MAPK8IP1: variants seen among roughly 807,000 people sequenced by gnomAD.
MAPK8IP1 encodes the protein mitogen-activated protein kinase 8 interacting protein 1, also known as C-Jun-amino-terminal kinase-interacting protein 1.
A neutral mutation model predicts 72.6 loss-of-function variants in MAPK8IP1; 17 were observed. The observed-to-expected ratio is 0.23, with a 90% CI of 0.16 to 0.35. The LOEUF (loss-of-function observed/expected upper bound fraction) is 0.35. MAPK8IP1 is among the 10% of genes least tolerant of loss of function. The pLI, the probability that MAPK8IP1 is intolerant of heterozygous loss-of-function variation, is 1.00. For synonymous variants in MAPK8IP1, 401 were observed against 443.4 expected (o/e 0.90, Z 1.20); for missense variants, 789 against 1,009.7 (o/e 0.78, Z 2.96).
chr11:45,904,746 A>G lies in MAPK8IP1; in HGVS notation c.1805A>G (p.His602Arg), dbSNP rs1038603426. ...KIATTRRLTV[H>R]FNPPSSCVLE... ...GCCACCACCCGCCGGCTCACCGTGC[A>G]CTTTAACCCGCCCTCCAGCTGTGTC... Residue 602 changes from histidine (H) to arginine (R), a missense_variant, in exon 9 of 12, where the codon CAC becomes CGC. Physicochemically the swap from His to Arg is conservative, Grantham distance 29 (BLOSUM62 0). Transcript: ENST00000241014. This position sits in a 1 kb window ranked among gnomAD's most constrained non-coding sequence, Gnocchi z 6.4. The G allele has an allele frequency of 6.2e-7, 1 of 1,613,870 alleles. No homozygotes were observed. Among genetic ancestry groups the G allele is most frequent in the African/African-American group, 1.3e-5 (1 of 74,922 alleles).
Position 45,904,843 on chromosome 11 carries a change from T to C in MAPK8IP1, c.1893+9T>C, listed in dbSNP as rs2086691162. 1.2e-6 allele frequency: 2 copies of C among 1,613,634 alleles called. No homozygotes were observed. The highest frequency in any genetic ancestry group is 3.3e-5 in the Admixed American group (2 of 60,004). On this transcript the variant is annotated intron_variant, in intron 9 of 11. Coordinates refer to ENST00000241014, the MANE Select transcript of MAPK8IP1 (RefSeq NM_005456.4). This position sits in a 1 kb window ranked among gnomAD's most constrained non-coding sequence, Gnocchi z 6.4. ...ACTCCCAGGAGGCCAAGGTGACTTC[T>C]TCCAACCCAGCCCCTTCCTTCCATG...
At chr11:45,887,199 G>A (rs546579804) in intron 1 of MAPK8IP1, among the ~76,000 whole-genome samples, 1 of 152,294 alleles carries the variant, frequency 6.6e-6, no homozygotes, top group Non-Finnish European at 1.5e-5. Flanking sequence ...GAGGGACCTG[G>A]GTTCAAATCC....
chr11:45,895,441 G>A (rs1381680710), intron 1 of MAPK8IP1, among the ~76,000 whole-genome samples: 1 of 152,016 alleles, frequency 6.6e-6, no homozygotes, highest in Non-Finnish European at 1.5e-5. Flanking sequence ...CCAACATGGT[G>A]AAACCCTGTC....
In MAPK8IP1 at chr11:45,903,555, T is replaced by C; in HGVS notation, c.1493+115T>C. 7.9e-6 allele frequency: 7 copies of C among 885,476 alleles called. No individual in the cohort carries two copies. Among genetic ancestry groups the C allele is most frequent in the Non-Finnish European group, 1.3e-5 (7 of 553,206 alleles). 54.9% of individuals were successfully genotyped at this position (885,476 alleles called of 1,614,324 possible). On this transcript the variant is annotated intron_variant, in intron 6 of 11. Transcript: ENST00000241014. The surrounding 1 kb of genome is among the most constrained non-coding windows in gnomAD (Gnocchi z 6.4). Reference sequence around the variant, plus strand: ...AACCCCTGCCATCAGCCTTCATTTATCCACTCAGCCCTGGGAGGACAGTGT... The same window carrying C: ...AACCCCTGCCATCAGCCTTCATTTACCCACTCAGCCCTGGGAGGACAGTGT...
In MAPK8IP1 at chr11:45,900,444, C is replaced by T. The variant is rs2863713; in HGVS notation, c.514C>T (p.Arg172Trp). ...TTLNLFPQVP[R>W]SQDTLNNNSL... ...GCTCAACCTCTTTCCGCAGGTGCCGCGGTCTCAGGTGAGGCGCCAACGTGG... is the reference window on the plus strand; with the variant it reads ...GCTCAACCTCTTTCCGCAGGTGCCGTGGTCTCAGGTGAGGCGCCAACGTGG... The change falls in exon 3 of 12, where the codon CGG (arginine) becomes TGG (tryptophan). Residue 172 changes from arginine to tryptophan, a missense_variant. Transcript: ENST00000241014. The surrounding 1 kb of genome is among the most constrained non-coding windows in gnomAD (Gnocchi z 6.5). 1.3e-6 allele frequency: 2 copies of T among 1,532,096 alleles called. No homozygotes were observed. Among genetic ancestry groups the T allele is most frequent in the African/African-American group, 1.4e-5 (1 of 72,664 alleles). The allele number at this position is 1,532,096 out of a possible 1,614,324, so 94.9% of individuals were successfully genotyped here.
intron 1 of MAPK8IP1, among the ~76,000 whole-genome samples, chr11:45,894,999 G>A (rs752757629): frequency 1.1e-4 from 17 of 152,226 alleles, no homozygotes; most frequent in Non-Finnish European, 2.1e-4. Context: ...AGCAAGCATG[G>A]TTTGAGAGTC....
chr11:45,889,237 G>T (rs2086548938), intron 1 of MAPK8IP1, among the ~76,000 whole-genome samples: 1 of 152,094 alleles, frequency 6.6e-6, no homozygotes, highest in Admixed American at 6.5e-5. Flanking sequence ...ACAAAGTTTT[G>T]ATTACAACCT....
chr11:45,897,823 A>G (rs2086620038), intron 1 of MAPK8IP1, among the ~76,000 whole-genome samples: 1 of 152,162 alleles, frequency 6.6e-6, no homozygotes, highest in African/African-American at 2.4e-5. Context: ...TTGGCAACAG[A>G]ATGACAGCTT....
At position 45,902,180 on chromosome 11, in the gene MAPK8IP1, C is replaced by G; in HGVS notation, c.604+119C>G. ...GTAGAGGTGAACTGCCCACCCACAT[C>G]CCTGCACGAGCCCATCCAGGGGCTG... On this transcript the variant is annotated intron_variant, in intron 4 of 11. Transcript: ENST00000241014. This position sits in a 1 kb window ranked among gnomAD's most constrained non-coding sequence, Gnocchi z 9.3. 9.5e-7 allele frequency: 1 copy of G among 1,056,406 alleles called. No individual in the cohort carries two copies. The highest frequency in any genetic ancestry group is 1.5e-6 in the Non-Finnish European group (1 of 673,464). 65.4% of individuals were successfully genotyped at this position (1,056,406 alleles called of 1,614,324 possible).
chr11:45,888,180 G>A (rs938081666), intron 1 of MAPK8IP1, among the ~76,000 whole-genome samples: 30 of 152,318 alleles, frequency 2.0e-4, no homozygotes, highest in African/African-American at 6.0e-4. Flanking sequence ...ACACACAGGC[G>A]CCTTGACCCC....
intron 1 of MAPK8IP1, among the ~76,000 whole-genome samples, chr11:45,897,476 G>A (rs1321165278): frequency 6.6e-6 from 1 of 152,350 alleles, no homozygotes; most frequent in East Asian, 1.9e-4. Flanking sequence ...ATAAGGAGAA[G>A]ATGTTGTGGT....
chr11:45,900,389 G>A lies in MAPK8IP1; in HGVS notation c.459G>A (p.Gly153=), dbSNP rs1221085542. 3.3e-6 allele frequency: 5 copies of A among 1,527,540 alleles called. 1 individual carries two copies. In the South Asian group the frequency reaches 4.8e-5, roughly 15 times the overall value. 94.6% of individuals were successfully genotyped at this position (1,527,540 alleles called of 1,614,324 possible). The change falls in exon 3 of 12, where the codon GGG becomes GGA. Residue 153 remains glycine (G), a synonymous_variant. Coordinates refer to ENST00000241014, the MANE Select transcript of MAPK8IP1 (RefSeq NM_005456.4). The surrounding 1 kb of genome is among the most constrained non-coding windows in gnomAD (Gnocchi z 6.5). ...GCCAGAGCCAGGGCCCGGGCAGCGG[G>A]GACACGTACCGGCCCAAGCGGCCCA... ...SQGQSQGPGS[G]DTYRPKRPTT...
At chr11:45,895,830 C>T (rs1040319016) in intron 1 of MAPK8IP1, among the ~76,000 whole-genome samples, 15 of 152,082 alleles carry the variant, frequency 9.9e-5, no homozygotes, top group Admixed American at 3.3e-4. Flanking sequence ...GTGCTGGCCA[C>T]TGGGTTTTTG....
At chr11:45,905,547 G>A in intron 11 of MAPK8IP1, 102 bp from the exon 12 acceptor site, 1 of 1,040,022 alleles carries the variant, frequency 9.6e-7, no homozygotes, top group East Asian at 2.4e-5. Flanking sequence ...AACCAGAGCT[G>A]CACTTGGGCC....
chr11:45,885,941 G>A lies in MAPK8IP1; in HGVS notation c.101+20G>A. On this transcript the variant is annotated intron_variant, in intron 1 of 11. Transcript: ENST00000241014. ...TTTCAGGTGAGAGTCCCCGGCCGCC[G>A]CGCGCCTCGCCCTTCAGCGGGGACT... 5 of 1,444,670 alleles carry A rather than the reference G, an allele frequency of 3.5e-6. No homozygotes were observed. Among genetic ancestry groups the A allele is most frequent in the Non-Finnish European group, 2.8e-6 (3 of 1,087,960 alleles). The allele number at this position is 1,444,670 out of a possible 1,614,324, so 89.5% of individuals were successfully genotyped here. A position where few individuals can be genotyped will look rare whatever the true frequency, so the allele number is the denominator to read the frequency against.
Position 45,902,467 on chromosome 11 carries a change from G to T in MAPK8IP1, c.700G>T (p.Asp234Tyr). 1 of 1,601,754 alleles carries T rather than the reference G, an allele frequency of 6.2e-7. No homozygotes were observed. Among genetic ancestry groups the T allele is most frequent in the South Asian group, 1.1e-5 (1 of 89,598 alleles). The change falls in exon 5 of 12, where the codon GAC (aspartate) becomes TAC (tyrosine). Residue 234 changes from aspartate (D) to tyrosine (Y), a missense_variant. Transcript: ENST00000241014. This position sits in a 1 kb window ranked among gnomAD's most constrained non-coding sequence, Gnocchi z 9.3. ...CACCACAGATCGAGGCACCTCCACC[G>T]ACAGCCCTTGCCGCCGCAGCACAGC... Reference protein sequence around the residue: ...APTTDRGTSTDSPCRRSTATQ... With the variant: ...APTTDRGTSTYSPCRRSTATQ...
At position 45,904,768 on chromosome 11, in the gene MAPK8IP1, T is replaced by C. The variant is rs767625411; in HGVS notation, c.1827T>C (p.Cys609=). The change falls in exon 9 of 12, where the codon TGT becomes TGC. Residue 609 remains cysteine (C), a synonymous_variant. Transcript: ENST00000241014. The surrounding 1 kb of genome is among the most constrained non-coding windows in gnomAD (Gnocchi z 6.4). ...TGCACTTTAACCCGCCCTCCAGCTG[T>C]GTCCTGGAGATCAGCGTGCGGGGTG... The part of the protein sequence containing the change: ...LTVHFNPPSS[C]VLEISVRGVK... The C allele has an allele frequency of 1.2e-6, 2 of 1,613,994 alleles. No individual in the cohort carries two copies. Among genetic ancestry groups the C allele is most frequent in the East Asian group, 2.2e-5 (1 of 44,866 alleles).
chr11:45,889,620 G>C (rs535505951), intron 1 of MAPK8IP1, among the ~76,000 whole-genome samples: 1 of 152,248 alleles, frequency 6.6e-6, no homozygotes, highest in African/African-American at 2.4e-5. Context: ...CCTGTCTGGG[G>C]TGTGTAGAAG....
At position 45,900,584 on chromosome 11, in the gene MAPK8IP1, T is replaced by G; in HGVS notation, c.522+132T>G. The G allele has an allele frequency of 9.7e-7, 1 of 1,033,156 alleles. No individual in the cohort carries two copies. The highest frequency in any genetic ancestry group is 1.4e-6 in the Non-Finnish European group (1 of 731,670). The allele number at this position is 1,033,156 out of a possible 1,614,324, so 64.0% of individuals were successfully genotyped here. A position where few individuals can be genotyped will look rare whatever the true frequency, so the allele number is the denominator to read the frequency against. ...GACAGCGCCTGCATAGGGGCCGCGGTGGCTCGCTCCCGGTGTTGGGATCCG... is the reference window on the plus strand; with the variant it reads ...GACAGCGCCTGCATAGGGGCCGCGGGGGCTCGCTCCCGGTGTTGGGATCCG... On this transcript the variant is annotated intron_variant, in intron 3 of 11. Transcript: ENST00000241014. The surrounding 1 kb of genome is among the most constrained non-coding windows in gnomAD (Gnocchi z 6.5).
Sources: allele counts gnomAD v4.1 joint callset (sites outside exome capture counted in the v4.1 genomes callset), GRCh38; gene constraint gnomAD v4.1.1; non-coding constraint Gnocchi (gnomAD v3.1); transcripts MANE v1.5; gene names NCBI Gene and HGNC (gene_info 2026-07-23, HGNC 2026-07-21).